Variants in RET observed in about 807,000 individuals in gnomAD.
RET encodes proto-oncogene tyrosine-protein kinase receptor Ret.
RET carries 19 observed loss-of-function variants against 118.3 expected under a neutral mutation model. That is an observed-to-expected ratio of 0.16 (90% CI 0.11 to 0.24). The LOEUF is 0.24. Among genes scored for constraint, RET ranks in the 10% least tolerant of loss-of-function variants. The pLI is 1.00. For synonymous variants in RET, 597 were observed against 644.1 expected, an observed-to-expected ratio of 0.93 and a Z score of 1.11; for missense variants, 1,219 against 1,502.1, an observed-to-expected ratio of 0.81 and a Z score of 3.12.
intron 1 of RET, among the ~76,000 whole-genome samples, chr10:43,095,158 C>G (rs1404129185): frequency 6.6e-6 from 1 of 152,098 alleles, no homozygotes; most frequent in East Asian, 1.9e-4. Flanking sequence ...AGGCTCAGGT[C>G]TGGCAGGAAC....
At chr10:43,115,217 G>A (rs1233685993) in intron 11 of RET, among the ~76,000 whole-genome samples, 1 of 152,234 alleles carries the variant, frequency 6.6e-6, no homozygotes, top group African/African-American at 2.4e-5. Context: ...AAGTAACAGA[G>A]GCTCAGAGCC....
At chr10:43,104,761 A>G in intron 3 of RET, 191 bp from the exon 4 acceptor site, 2 of 818,614 alleles carry the variant, frequency 2.4e-6, no homozygotes, top group South Asian at 3.5e-5. Context: ...GCAAACTCGT[A>G]AGCACAGTCA....
At position 43,100,551 on chromosome 10, in the gene RET, C is replaced by T. The variant is rs145633958; in HGVS notation, c.166C>T (p.Leu56=). The T allele has an allele frequency of 1.2e-6, 2 of 1,613,938 alleles. No homozygotes were observed. The highest frequency in any genetic ancestry group is 2.2e-5 in the East Asian group (1 of 44,880). The change falls in exon 2 of 20, where the codon CTG becomes TTG. Residue 56 remains leucine (L), a synonymous_variant. Transcript: ENST00000355710. ...CACGCCCTTGCTGTACGTCCATGCC[C>T]TGCGGGACGCCCCTGAGGAGGTGCC... ...AGTPLLYVHA[L]RDAPEEVPSF...
chr10:43,109,281 A>G (rs753231135), intron 6 of RET, 51 bp downstream of exon 6: 31 of 1,572,916 alleles, frequency 2.0e-5, no homozygotes, highest in African/African-American at 4.0e-5. Context: ...GCCAAGGGAC[A>G]TGGGGGCACA....
chr10:43,089,357 G>T (rs192470390), intron 1 of RET, among the ~76,000 whole-genome samples: 102 of 152,328 alleles, frequency 6.7e-4, no homozygotes, highest in African/African-American at 2.4e-3. Flanking sequence ...CAAGCTGCCT[G>T]TTTTCTTGGC....
intron 7 of RET, among the ~76,000 whole-genome samples, chr10:43,111,671 G>A (rs999272280): frequency 6.6e-6 from 1 of 152,226 alleles, no homozygotes; most frequent in Non-Finnish European, 1.5e-5. Flanking sequence ...TGAATTTTGG[G>A]TAAACAACAA....
At chr10:43,112,269 A>G in intron 8 of RET, 45 bp downstream of exon 8, 1 of 1,546,552 alleles carries the variant, frequency 6.5e-7, no homozygotes, top group Non-Finnish European at 8.7e-7. Flanking sequence ...GGGCGATGGC[A>G]CCGGTGGAAA....
chr10:43,122,325 G>A (rs912220902), intron 16 of RET, among the ~76,000 whole-genome samples: 2 of 152,146 alleles, frequency 1.3e-5, no homozygotes, highest in Non-Finnish European at 2.9e-5. Flanking sequence ...TGGGTCCCTT[G>A]GTGACTCAGG....
At position 43,112,849 on chromosome 10, in the gene RET, G is replaced by T. The variant is rs369769303; in HGVS notation, c.1649-4G>T. The T allele has an allele frequency of 6.2e-7, 1 of 1,611,792 alleles. No homozygotes were observed. Among genetic ancestry groups the T allele is most frequent in the Non-Finnish European group, 8.5e-7 (1 of 1,178,118 alleles). On this transcript the variant is annotated splice_polypyrimidine_tract_variant and splice_region_variant and intron_variant, in intron 8 of 19. Transcript: ENST00000355710. ...GGTGACAGCCTGCTGTGTGTCCTGT[G>T]CAGGGATCACCAGGAACTTCTCCAC...
chr10:43,122,549 A>T (rs1347061558), intron 16 of RET, among the ~76,000 whole-genome samples: 2 of 152,226 alleles, frequency 1.3e-5, no homozygotes, highest in Admixed American at 6.5e-5. Flanking sequence ...ATCACTTTTA[A>T]AACACAGGAT....
At position 43,112,153 on chromosome 10, in the gene RET, T is replaced by C. The variant is rs756248937; in HGVS notation, c.1577T>C (p.Leu526Pro). The change falls in exon 8 of 20, where the codon CTG becomes CCG. Residue 526 changes from leucine to proline, a missense_variant. Physicochemically the swap from Leu to Pro is moderately conservative, Grantham distance 98. Coordinates refer to ENST00000355710, the MANE Select transcript of RET (RefSeq NM_020975.6). Reference protein sequence around the residue: ...PLSCAVSKRRLECEECGGLGS... With the variant: ...PLSCAVSKRRPECEECGGLGS... ...TCCTGTGCAGTCAGCAAGAGACGGC[T>C]GGAGTGTGAGGAGTGTGGCGGCCTG... 1.3e-6 allele frequency: 2 copies of C among 1,594,040 alleles called. No homozygotes were observed. Among genetic ancestry groups the C allele is most frequent in the South Asian group, 1.1e-5 (1 of 87,824 alleles).
chr10:43,081,212 G>A (rs1837173817), intron 1 of RET, among the ~76,000 whole-genome samples: 1 of 151,576 alleles, frequency 6.6e-6, no homozygotes, highest in South Asian at 2.1e-4. Context: ...CTTCTTTGGA[G>A]GCTGCTTCCT....
At chr10:43,126,968 G>A in intron 19 of RET, 1 of 1,407,754 alleles carries the variant, frequency 7.1e-7, no homozygotes, top group Non-Finnish European at 9.2e-7. Context: ...TAGGATGGTA[G>A]AGGAAAAAAC....
At chr10:43,097,336 AC>A (rs1837542728) in intron 1 of RET, among the ~76,000 whole-genome samples, 1 of 152,124 alleles carries the variant, frequency 6.6e-6, no homozygotes, top group Non-Finnish European at 1.5e-5. Flanking sequence ...CACCAGAGCC[AC>A]CCCACGGCCA....
intron 1 of RET, among the ~76,000 whole-genome samples, chr10:43,081,814 A>G (rs1837190262): frequency 1.3e-5 from 2 of 152,160 alleles, no homozygotes. Flanking sequence ...CGGCTCAGGG[A>G]TTGAGGCGAA....
intron 1 of RET, among the ~76,000 whole-genome samples, chr10:43,093,934 G>A (rs985379223): frequency 1.3e-5 from 2 of 152,148 alleles, no homozygotes; most frequent in African/African-American, 4.8e-5. Flanking sequence ...GTGGGGAGGC[G>A]GGAGGAGCAG....
rs372673589 is a variant in RET at position 43,126,676 on chromosome 10, C to G, written c.3141C>G (p.Pro1047=). 8 of 1,614,086 alleles carry G rather than the reference C, an allele frequency of 5.0e-6. No individual in the cohort carries two copies. The highest frequency in any genetic ancestry group is 1.7e-5 in the Admixed American group (1 of 60,026). Residue 1047 remains proline, a synonymous_variant, in exon 19 of 20, where the codon CCC becomes CCG. Coordinates refer to ENST00000355710, the MANE Select transcript of RET (RefSeq NM_020975.6). The stretch of plus-strand genomic sequence containing the variant: ...CGCTGGTGGACTGTAATAATGCCCC[C>G]CTCCCTCGAGCCCTCCCTTCCACAT... The part of the protein sequence containing the change: ...ETPLVDCNNA[P]LPRALPSTWI...
chr10:43,077,296 T>A lies in RET; in HGVS notation c.38T>A (p.Leu13Gln). 1 of 1,511,654 alleles carries A rather than the reference T, an allele frequency of 6.6e-7. No individual in the cohort carries two copies. Among genetic ancestry groups the A allele is most frequent in the Non-Finnish European group, 8.8e-7 (1 of 1,135,538 alleles). 93.6% of individuals were successfully genotyped at this position (1,511,654 alleles called of 1,614,324 possible). A position where few individuals can be genotyped will look rare whatever the true frequency, so the allele number is the denominator to read the frequency against. ...KATSGAAGLR[L>Q]LLLLLLPLLG... Reference sequence around the variant, plus strand: ...ACGTCCGGTGCCGCGGGGCTGCGTCTGCTGTTGCTGCTGCTGCTGCCGCTG... The same window carrying A: ...ACGTCCGGTGCCGCGGGGCTGCGTCAGCTGTTGCTGCTGCTGCTGCCGCTG... The change falls in exon 1 of 20, where the codon CTG (leucine) becomes CAG (glutamine). Residue 13 changes from leucine (L) to glutamine (Q), a missense_variant. By Grantham distance (113) the Leu-to-Gln change is moderately radical. Transcript: ENST00000355710.
chr10:43,088,559 T>C (rs1837345416), intron 1 of RET, among the ~76,000 whole-genome samples: 1 of 152,070 alleles, frequency 6.6e-6, no homozygotes, highest in African/African-American at 2.4e-5. Flanking sequence ...TGCAGCCATC[T>C]TCTGTGAGCA....
Sources: gnomAD v4.1 joint callset for allele counts (sites outside exome capture counted in the v4.1 genomes callset) on GRCh38, gnomAD v4.1.1 for gene constraint, MANE v1.5 for transcripts, NCBI Gene and HGNC (gene_info 2026-07-23, HGNC 2026-07-21) for gene names.